The following FAM222B variants were observed in gnomAD, a reference collection of about 807,000 sequenced individuals.
The protein encoded by FAM222B is family with sequence similarity 222 member B, also known as protein FAM222B.
FAM222B carries 12 observed loss-of-function variants against 38.0 expected under a neutral mutation model. That is an observed-to-expected ratio of 0.32 (90% CI 0.20 to 0.51). FAM222B has a LOEUF of 0.51. Among genes scored for constraint, FAM222B ranks in the 20% least tolerant of loss-of-function variants. The pLI is 0.97. For synonymous variants in FAM222B, 329 were observed against 317.2 expected (o/e 1.04, Z -0.40); for missense variants, 716 against 754.2 (o/e 0.95, Z 0.59).
At chr17:28,795,092 CAAA>C (rs59433750) in intron 1 of FAM222B, among the ~76,000 whole-genome samples, 1 of 104,180 alleles carries the variant, frequency 9.6e-6, no homozygotes, top group Admixed American at 1.0e-4. Flanking sequence ...GACCCTGTTT[CAAA>C]AAAAAAAAAA....
intron 1 of FAM222B, among the ~76,000 whole-genome samples, chr17:28,807,253 T>G (rs1278546623): frequency 6.6e-6 from 1 of 152,120 alleles, no homozygotes. Context: ...CGAACTCAGG[T>G]GATCCGCCTG....
intron 1 of FAM222B, among the ~76,000 whole-genome samples, chr17:28,782,213 TCGGG>T (rs2036195151): frequency 6.6e-6 from 1 of 152,078 alleles, no homozygotes; most frequent in Admixed American, 6.6e-5. Flanking sequence ...TCCCAGCTGC[TCGGG>T]AGGCTAAGGC....
rs190818254 is a variant in FAM222B at position 28,821,139 on chromosome 17, A to G, written c.-41+21543T>C. The stretch of plus-strand genomic sequence containing the variant: ...CCCAGCTAATTTTTATATTTTTAGT[A>G]CAAACGGGGTTTCACCATATTGGCC... On this transcript the variant is annotated intron_variant, in intron 1 of 2. Transcript: ENST00000581407. 2.0e-4 allele frequency among the ~76,000 whole-genome samples: 31 copies of G among 151,976 alleles called. No individual in the cohort carries two copies. In the East Asian group the frequency reaches 5.8e-3, roughly 28 times the overall value.
chr17:28,847,080 G>T (rs909985920), upstream of FAM222B, among the ~76,000 whole-genome samples: 1 of 151,400 alleles, frequency 6.6e-6, no homozygotes, highest in Admixed American at 6.6e-5. Context: ...CAAATTAGCC[G>T]GGCATGGTGG....
intron 1 of FAM222B, among the ~76,000 whole-genome samples, chr17:28,791,515 T>C (rs2036682854): frequency 6.6e-6 from 1 of 152,020 alleles, no homozygotes; most frequent in Non-Finnish European, 1.5e-5. Context: ...TGAGCATTCA[T>C]GGACTCCCTT....
At chr17:28,822,141 T>C (rs2038247604) in intron 1 of FAM222B, among the ~76,000 whole-genome samples, 1 of 149,126 alleles carries the variant, frequency 6.7e-6, no homozygotes, top group East Asian at 2.2e-4. Flanking sequence ...CCTGCCTCAG[T>C]CTCCCAAGTA....
At chr17:28,799,344 C>A (rs1448645011) in intron 1 of FAM222B, among the ~76,000 whole-genome samples, 1 of 130,690 alleles carries the variant, frequency 7.7e-6, no homozygotes, top group Non-Finnish European at 1.6e-5. Context: ...GTCGCCCAAG[C>A]TGGAGTGCAG....
intron 1 of FAM222B, chr17:28,802,898 C>T (rs2037304862): frequency 6.6e-6 from 1 of 152,272 alleles, no homozygotes; most frequent in Non-Finnish European, 1.5e-5. Context: ...TTTCATCACA[C>T]ACTGACTATT....
chr17:28,775,893 C>CA (rs1222132858), intron 1 of FAM222B, among the ~76,000 whole-genome samples: 1 of 143,196 alleles, frequency 7.0e-6, no homozygotes, highest in East Asian at 2.1e-4. Context: ...AAAAAAAAAA[C>CA]AAAAACAAAA....
intron 1 of FAM222B, among the ~76,000 whole-genome samples, chr17:28,819,579 T>C (rs758236532): frequency 4.6e-5 from 7 of 152,104 alleles, no homozygotes; most frequent in Non-Finnish European, 7.4e-5. Flanking sequence ...TTCCTAAAAA[T>C]ATTTAGAAGT....
At chr17:28,786,410 TCA>T (rs1832523112) in intron 1 of FAM222B, among the ~76,000 whole-genome samples, 2 of 152,190 alleles carry the variant, frequency 1.3e-5, no homozygotes, top group South Asian at 4.1e-4. Context: ...GCTGTATTAT[TCA>T]CACAGAGTAA....
At chr17:28,850,344 C>G in intron 1 of FAM222B, among the ~76,000 whole-genome samples, 1 of 151,772 alleles carries the variant, frequency 6.6e-6, no homozygotes. Flanking sequence ...CTCTGTCGCC[C>G]GGGCTGGAGT....
chr17:28,782,091 G>A (rs2036190060), intron 1 of FAM222B, among the ~76,000 whole-genome samples: 1 of 152,180 alleles, frequency 6.6e-6, no homozygotes, highest in Non-Finnish European at 1.5e-5. Context: ...TTGGGAGCCT[G>A]AGATGGTAGG....
intron 1 of FAM222B, among the ~76,000 whole-genome samples, chr17:28,825,433 CAA>C (rs935599439): frequency 9.7e-5 from 4 of 41,320 alleles, no homozygotes; most frequent in African/African-American, 2.5e-4. Context: ...GATCCCGTCT[CAA>C]AAAAAAAAAA....
chr17:28,790,884 C>CTTTTTTTTTTTTTTTTTTTTTT (rs60664262), intron 1 of FAM222B, among the ~76,000 whole-genome samples: 9 of 86,060 alleles, frequency 1.0e-4, no homozygotes, highest in Non-Finnish European at 1.9e-4. Flanking sequence ...AATTGTTTCA[C>CTTTTTTTTTTTTTTTTTTTTTT]TTTTTTTTTT....
intron 1 of FAM222B, among the ~76,000 whole-genome samples, chr17:28,820,484 C>G (rs1348155590): frequency 6.6e-6 from 1 of 152,072 alleles, no homozygotes; most frequent in Non-Finnish European, 1.5e-5. Flanking sequence ...TTTTCAGTGT[C>G]TTTTGTGTGT....
At chr17:28,835,812 T>C (rs1478105101) in intron 1 of FAM222B, among the ~76,000 whole-genome samples, 2 of 151,914 alleles carry the variant, frequency 1.3e-5, no homozygotes, top group African/African-American at 2.4e-5. Flanking sequence ...CCTGGGACTA[T>C]AGGTGCATGC....
At position 28,782,995 on chromosome 17, in the gene FAM222B, G is replaced by A. The variant is rs376729283; in HGVS notation, c.-40-16288C>T. On this transcript the variant is annotated intron_variant, in intron 1 of 2. Transcript: ENST00000581407. ...TACTAAAAAATACAAAAAATTAGCC[G>A]GGTGAGGCGGTGGGTGCCTGTAGCC... 1.1e-4 allele frequency among the ~76,000 whole-genome samples: 16 copies of A among 152,074 alleles called. No homozygotes were observed. In the East Asian group the frequency reaches 1.5e-3, roughly 15 times the overall value.
intron 1 of FAM222B, among the ~76,000 whole-genome samples, chr17:28,835,401 G>A (rs939235266): frequency 2.0e-5 from 3 of 152,010 alleles, no homozygotes; most frequent in Non-Finnish European, 2.9e-5. Flanking sequence ...CCTAGTACAA[G>A]ACATAACACA....
Sources: gnomAD v4.1 joint callset for allele counts (sites outside exome capture counted in the v4.1 genomes callset) on GRCh38, gnomAD v4.1.1 for gene constraint, MANE v1.5 for transcripts, NCBI Gene and HGNC (gene_info 2026-07-23, HGNC 2026-07-21) for gene names.